FERRY3: variants seen among roughly 807,000 people sequenced by gnomAD.
FERRY3 encodes FERRY endosomal RAB5 effector complex subunit 3, also known as protein C12orf4.
chr12:4,495,633 C>T, the FERRY3 span, among the ~76,000 whole-genome samples: 1 of 152,134 alleles, frequency 6.6e-6, no homozygotes, highest in African/African-American at 2.4e-5. Flanking sequence ...AAGATTGTAA[C>T]GCAAGTTAAA....
the FERRY3 span, chr12:4,525,129 A>T: frequency 8.2e-7 from 1 of 1,213,326 alleles, no homozygotes; most frequent in Non-Finnish European, 1.2e-6. Flanking sequence ...GCACAGCATA[A>T]AATTGTCTTG....
chr12:4,519,240 G>A, the FERRY3 span, among the ~76,000 whole-genome samples: 1 of 151,874 alleles, frequency 6.6e-6, no homozygotes, highest in East Asian at 1.9e-4. The surrounding 1 kb of genome is among the most constrained non-coding windows in gnomAD (Gnocchi z 4.3). Context: ...CCTATACCAG[G>A]GCTAGCCCTA....
the FERRY3 span, chr12:4,489,602 A>T: frequency 5.4e-6 from 2 of 373,796 alleles, no homozygotes. Flanking sequence ...TCATAAAGAG[A>T]CTTTAAGTGT....
At chr12:4,534,211 T>C in the FERRY3 span, 48 of 1,612,764 alleles carry the variant, frequency 3.0e-5, no homozygotes, top group African/African-American at 5.5e-4. Context: ...CTACTTCACC[T>C]GATTTCACAG....
the FERRY3 span, among the ~76,000 whole-genome samples, chr12:4,508,123 CTAGA>C: frequency 6.6e-6 from 1 of 152,074 alleles, no homozygotes; most frequent in Non-Finnish European, 1.5e-5. Context: ...CAAGTTATGA[CTAGA>C]TAGCCACATT....
the FERRY3 span, among the ~76,000 whole-genome samples, chr12:4,500,858 G>A: frequency 0.012 from 1,791 of 152,240 alleles, 38 homozygotes; most frequent in African/African-American, 0.04. Context: ...TCACCATGTT[G>A]GCTAGGATGG....
chr12:4,510,953 TAA>T, the FERRY3 span, among the ~76,000 whole-genome samples: 1 of 152,020 alleles, frequency 6.6e-6, no homozygotes, highest in African/African-American at 2.4e-5. Context: ...GCAAATTGGA[TAA>T]AGAGTCAAGA....
At chr12:4,491,421 G>A in the FERRY3 span, among the ~76,000 whole-genome samples, 1 of 152,026 alleles carries the variant, frequency 6.6e-6, no homozygotes, top group African/African-American at 2.4e-5. Context: ...GACTATACTT[G>A]TGGAATACAA....
the FERRY3 span, among the ~76,000 whole-genome samples, chr12:4,498,687 C>T: frequency 6.6e-6 from 1 of 152,166 alleles, no homozygotes; most frequent in South Asian, 2.1e-4. Context: ...ACCTTTTTGG[C>T]ACCAGGAACC....
the FERRY3 span, among the ~76,000 whole-genome samples, chr12:4,506,088 TAA>T: frequency 1.3e-5 from 2 of 152,158 alleles, no homozygotes; most frequent in African/African-American, 2.4e-5. Context: ...ATATACATTA[TAA>T]AGACTGAATG....
chr12:4,493,176 G>T, the FERRY3 span, among the ~76,000 whole-genome samples: 1 of 152,102 alleles, frequency 6.6e-6, no homozygotes, highest in Non-Finnish European at 1.5e-5. Flanking sequence ...GTACTTTACT[G>T]TTCTTTTATC....
chr12:4,504,029 C>G, the FERRY3 span, among the ~76,000 whole-genome samples: 1 of 152,156 alleles, frequency 6.6e-6, no homozygotes, highest in Non-Finnish European at 1.5e-5. Context: ...GTCTCCTGTT[C>G]CACACAGTGG....
the FERRY3 span, among the ~76,000 whole-genome samples, chr12:4,522,304 A>ACAAGC: frequency 2.0e-5 from 3 of 152,338 alleles, no homozygotes; most frequent in East Asian, 5.8e-4. Context: ...AAATGAAACG[A>ACAAGC]CAAGCCACAG....
the FERRY3 span, among the ~76,000 whole-genome samples, chr12:4,515,216 C>T: frequency 1.3e-4 from 20 of 152,282 alleles, no homozygotes; most frequent in African/African-American, 4.8e-4. Context: ...TAGAAAGCTT[C>T]TGAAGAAAGA....
chr12:4,497,466 C>T, the FERRY3 span, among the ~76,000 whole-genome samples: 1 of 152,082 alleles, frequency 6.6e-6, no homozygotes, highest in African/African-American at 2.4e-5. Context: ...AGTTGAGCTG[C>T]GTACCTATGT....
At chr12:4,504,165 G>A in the FERRY3 span, among the ~76,000 whole-genome samples, 1 of 152,146 alleles carries the variant, frequency 6.6e-6, no homozygotes, top group South Asian at 2.1e-4. Flanking sequence ...ACCAGCAATG[G>A]GTACAATATT....
At chr12:4,500,358 A>C in the FERRY3 span, 56 of 1,601,096 alleles carry the variant, frequency 3.5e-5, no homozygotes, top group African/African-American at 7.0e-4. Context: ...CAATAAATAC[A>C]ATCATGATTA....
chr12:4,510,980 G>C, the FERRY3 span, among the ~76,000 whole-genome samples: 3 of 151,908 alleles, frequency 2.0e-5, no homozygotes, highest in African/African-American at 7.3e-5. Context: ...TCAGTGTGCT[G>C]TATTCAGGAA....
At chr12:4,525,060 C>A in the FERRY3 span, 2 of 582,540 alleles carry the variant, frequency 3.4e-6, no homozygotes, top group South Asian at 2.9e-5. Context: ...TCAAACTAAC[C>A]AATAACCATT....
Sources: gnomAD v4.1 joint callset for allele counts (sites outside exome capture counted in the v4.1 genomes callset) on GRCh38, gnomAD v4.1.1 for gene constraint, Gnocchi (gnomAD v3.1) non-coding constraint, MANE v1.5 for transcripts, NCBI Gene and HGNC (gene_info 2026-07-23, HGNC 2026-07-21) for gene names.